Variants in ACAD10 observed in about 807,000 individuals in gnomAD.
ACAD10 encodes the protein ACAD-10.
Under a neutral mutation model 116.8 loss-of-function variants are expected in ACAD10, and 112 were observed. That is an observed-to-expected ratio of 0.96 (90% CI 0.82 to 1.12). ACAD10 has a LOEUF of 1.12. ACAD10 is among the 50% of genes most tolerant of loss of function. The pLI is 0.00. For missense variants in ACAD10, 1,259 were observed against 1,350.2 expected, an observed-to-expected ratio of 0.93 and a Z score of 1.06; for synonymous variants, 486 against 510.6, an observed-to-expected ratio of 0.95 and a Z score of 0.65.
In ACAD10 at chr12:111,705,829, C is replaced by T. The variant is rs941036300; in HGVS notation, c.428C>T (p.Thr143Ile). 3.1e-6 allele frequency: 5 copies of T among 1,614,038 alleles called. No homozygotes were observed. Among genetic ancestry groups the T allele is most frequent in the African/African-American group, 2.7e-5 (2 of 74,906 alleles). ...KQFPVMTEAI[T>I]QIRAKGLQTA... The stretch of plus-strand genomic sequence containing the variant: ...TTCCCAGTGATGACTGAGGCCATAA[C>T]TCAAATTCGGGCAAAAGGTCTTCAG... Residue 143 changes from threonine to isoleucine, a missense_variant, in exon 4 of 21, where the codon ACT becomes ATT. Transcript: ENST00000313698.
At chr12:111,741,864 T>G (rs1055905303) in intron 12 of ACAD10, among the ~76,000 whole-genome samples, 4 of 152,166 alleles carry the variant, frequency 2.6e-5, no homozygotes, top group African/African-American at 9.7e-5. Context: ...GGGGTATCTG[T>G]TTCCAAGACA....
intron 2 of ACAD10, among the ~76,000 whole-genome samples, chr12:111,695,065 G>A (rs1393730160): frequency 6.6e-6 from 1 of 152,124 alleles, no homozygotes; most frequent in African/African-American, 2.4e-5. Context: ...CATAGATCTT[G>A]TTCCTTTCAT....
intron 1 of ACAD10, among the ~76,000 whole-genome samples, chr12:111,688,959 A>G (rs747006051): frequency 9.2e-5 from 14 of 152,052 alleles, no homozygotes; most frequent in Admixed American, 2.6e-4. Context: ...TAGGGAGGCC[A>G]AGGTGGGTGG....
In ACAD10 at chr12:111,753,828, G is replaced by A. The variant is rs529629649; in HGVS notation, c.2874G>A (p.Ala958=). Residue 958 remains alanine, a synonymous_variant, in exon 19 of 21, where the codon GCG becomes GCA. Coordinates refer to ENST00000313698, the MANE Select transcript of ACAD10 (RefSeq NM_025247.6). ...TGGTGGAGCAGGGCACAGTGCTGGCGGACATCGCGCAGTCGCGCGTGGAGA... is the reference window on the plus strand; with the variant it reads ...TGGTGGAGCAGGGCACAGTGCTGGCAGACATCGCGCAGTCGCGCGTGGAGA... The part of the protein sequence containing the change: ...KPLVEQGTVL[A]DIAQSRVEIE... 2.4e-5 allele frequency: 39 copies of A among 1,613,922 alleles called. No homozygotes were observed. Among genetic ancestry groups the A allele is most frequent in the African/African-American group, 9.3e-5 (7 of 74,960 alleles).
intron 2 of ACAD10, among the ~76,000 whole-genome samples, chr12:111,700,281 G>A (rs1888311955): frequency 6.6e-6 from 1 of 152,180 alleles, no homozygotes; most frequent in Admixed American, 6.5e-5. Flanking sequence ...GTGGTATTCC[G>A]TTATATGAAT....
intron 18 of ACAD10, among the ~76,000 whole-genome samples, chr12:111,750,116 G>C (rs1389049741): frequency 6.9e-6 from 1 of 144,330 alleles, no homozygotes; most frequent in African/African-American, 2.6e-5. Flanking sequence ...TTTTGAGACG[G>C]AATCTCACTC....
intron 7 of ACAD10, among the ~76,000 whole-genome samples, chr12:111,719,394 C>T (rs1017550169): frequency 1.3e-5 from 2 of 150,136 alleles, no homozygotes; most frequent in African/African-American, 4.9e-5. Context: ...GCTCGGACTA[C>T]AGGCACATAC....
At chr12:111,728,231 G>T (rs1172431870) in intron 9 of ACAD10, 88 bp downstream of exon 9, 2 of 1,333,150 alleles carry the variant, frequency 1.5e-6, no homozygotes, top group Non-Finnish European at 2.0e-6. Context: ...GTCGTTTTGA[G>T]TATTAGCACA....
At chr12:111,697,362 CTTT>C (rs1160985539) in intron 2 of ACAD10, among the ~76,000 whole-genome samples, 11 of 135,340 alleles carry the variant, frequency 8.1e-5, no homozygotes, top group Admixed American at 1.5e-4. Flanking sequence ...TTTTCTTTTC[CTTT>C]TTTTTTTTTT....
intron 18 of ACAD10, among the ~76,000 whole-genome samples, chr12:111,750,097 T>TC (rs1297998497): frequency 7.3e-6 from 1 of 137,826 alleles, no homozygotes; most frequent in Non-Finnish European, 1.5e-5. Flanking sequence ...TTTTTTTTGT[T>TC]TTTTTTTTTT....
chr12:111,706,817 A>C (rs1159501339), intron 4 of ACAD10, among the ~76,000 whole-genome samples: 1 of 142,090 alleles, frequency 7.0e-6, no homozygotes, highest in Non-Finnish European at 1.5e-5. Context: ...TCTGTTGCCC[A>C]GGCTAAAGTA....
chr12:111,727,922 A>G (rs774869689), intron 8 of ACAD10, 40 bp from the exon 9 acceptor site: 4 of 1,565,926 alleles, frequency 2.6e-6, no homozygotes, highest in East Asian at 2.2e-5. Flanking sequence ...CTGCCACATT[A>G]TGACTCTGAT....
chr12:111,713,578 T>C (rs778001202), intron 6 of ACAD10, among the ~76,000 whole-genome samples: 23 of 150,810 alleles, frequency 1.5e-4, no homozygotes, highest in Non-Finnish European at 2.7e-4. Context: ...TGAGCCAAGA[T>C]TGTGCCACTG....
chr12:111,723,717 G>A (rs1168248991), intron 8 of ACAD10, among the ~76,000 whole-genome samples: 4 of 150,858 alleles, frequency 2.7e-5, no homozygotes, highest in African/African-American at 9.7e-5. Context: ...GGACGGGGTG[G>A]CTGCCCGGCG....
At chr12:111,701,053 C>T (rs1019452750) in intron 2 of ACAD10, among the ~76,000 whole-genome samples, 1 of 151,934 alleles carries the variant, frequency 6.6e-6, no homozygotes, top group Admixed American at 6.6e-5. Flanking sequence ...GCTACTGCAC[C>T]CAGCCTACTT....
chr12:111,704,790 C>T (rs755039833), intron 3 of ACAD10, among the ~76,000 whole-genome samples: 10 of 149,280 alleles, frequency 6.7e-5, no homozygotes, highest in Non-Finnish European at 1.5e-4. Context: ...TGGGTTCAAG[C>T]AATTCTCCTG....
intron 12 of ACAD10, among the ~76,000 whole-genome samples, chr12:111,737,717 A>G (rs1889612462): frequency 6.6e-6 from 1 of 152,100 alleles, no homozygotes; most frequent in African/African-American, 2.4e-5. Context: ...ACTTTTACAC[A>G]AATGTGATCA....
chr12:111,689,723 T>C (rs1887983047), intron 1 of ACAD10, among the ~76,000 whole-genome samples: 2 of 146,610 alleles, frequency 1.4e-5, no homozygotes, highest in South Asian at 4.2e-4. Flanking sequence ...TTTTCTTCTT[T>C]TTTTTTTTTT....
At chr12:111,693,135 G>C in intron 2 of ACAD10, 1 of 517,214 alleles carries the variant, frequency 1.9e-6, no homozygotes, top group Non-Finnish European at 3.5e-6. Context: ...CTTCCTCCTT[G>C]GGATTTGGCG....
Sources: allele counts gnomAD v4.1 joint callset (sites outside exome capture counted in the v4.1 genomes callset), GRCh38; gene constraint gnomAD v4.1.1; transcripts MANE v1.5; gene names NCBI Gene and HGNC (gene_info 2026-07-23, HGNC 2026-07-21).